CEP112: variants seen among roughly 807,000 people sequenced by gnomAD.
CEP112 encodes the protein centrosomal protein 112, also known as centrosomal protein of 112 kDa.
In CEP112, 127 loss-of-function variants were observed where a neutral mutation model predicts 153.0. That is an observed-to-expected ratio of 0.83 (90% CI 0.72 to 0.96). The LOEUF is 0.96. CEP112 is among the 40% of genes least tolerant of loss of function. The pLI, the probability that CEP112 is intolerant of heterozygous loss-of-function variation, is 0.00. For missense variants in CEP112, 1,089 were observed against 1,101.2 expected (o/e 0.99, Z 0.16); for synonymous variants, 358 against 374.4 (o/e 0.96, Z 0.51).
chr17:66,123,162 C>T (rs1232107125), intron 6 of CEP112, among the ~76,000 whole-genome samples: 1 of 152,194 alleles, frequency 6.6e-6, no homozygotes, highest in African/African-American at 2.4e-5. Flanking sequence ...ATGAAGGCCA[C>T]AGTATTCTTG....
chr17:66,000,635 C>T (rs543606420), intron 17 of CEP112, among the ~76,000 whole-genome samples: 30 of 152,220 alleles, frequency 2.0e-4, no homozygotes, highest in African/African-American at 6.5e-4. Context: ...CAGAGCACTG[C>T]GCCCACTCTC....
intron 20 of CEP112, among the ~76,000 whole-genome samples, chr17:65,870,069 G>GAAAGAAAGAAAGAAAGAAAAGA (rs1555689570): frequency 2.1e-5 from 3 of 143,070 alleles, no homozygotes; most frequent in East Asian, 4.0e-4. Context: ...AAGAAAGAAA[G>GAAAGAAAGAAAGAAAGAAAAGA]AAAGAAAGAA....
chr17:65,861,495 C>T (rs1225500493), intron 20 of CEP112, among the ~76,000 whole-genome samples: 2 of 152,058 alleles, frequency 1.3e-5, no homozygotes, highest in African/African-American at 4.8e-5. Flanking sequence ...GGAACATCTG[C>T]AACATATGTA....
At chr17:66,185,190 T>C (rs1003342111) in intron 1 of CEP112, among the ~76,000 whole-genome samples, 4 of 149,310 alleles carry the variant, frequency 2.7e-5, no homozygotes. Context: ...AAGAACTATA[T>C]GCCAAAAAAA....
At chr17:65,711,822 C>T (rs1449007479) in intron 23 of CEP112, among the ~76,000 whole-genome samples, 1 of 152,208 alleles carries the variant, frequency 6.6e-6, no homozygotes, top group East Asian at 1.9e-4. Flanking sequence ...TCTGGTAGAG[C>T]AGACAGATTC....
chr17:65,950,482 C>T (rs762635275), intron 18 of CEP112, among the ~76,000 whole-genome samples: 12 of 151,928 alleles, frequency 7.9e-5, no homozygotes, highest in East Asian at 3.9e-4. Context: ...TTATTCTTTT[C>T]GACGTTATTA....
chr17:65,971,416 G>GCACATATATTGGATGCATGTGATGTATT (rs1341289124), intron 17 of CEP112, among the ~76,000 whole-genome samples: 92 of 48,092 alleles, frequency 1.9e-3, no homozygotes, highest in Admixed American at 5.8e-3. Context: ...CACCCATGCA[G>GCACATATATTGGATGCATGTGATGTATT]CATGCTGCAT....
rs568050477 is a variant in CEP112, at chr17:65,676,352, C to T, written c.2697+12777G>A. On this transcript the variant is annotated intron_variant, in intron 24 of 26. Transcript: ENST00000535342. The stretch of plus-strand genomic sequence containing the variant: ...TAAAAGAAAAAAAAAAAAAAGAAGC[C>T]ATTAAAAATAGCATTATAATGTGTT... Among the ~76,000 whole-genome samples, 89 of 149,374 alleles carry T rather than the reference C, an allele frequency of 6.0e-4. 1 individual carries two copies. The highest frequency in any genetic ancestry group is 2.2e-3 in the African/African-American group (89 of 40,848).
At chr17:66,134,975 T>A (rs1414296943) in intron 4 of CEP112, among the ~76,000 whole-genome samples, 1 of 152,228 alleles carries the variant, frequency 6.6e-6, no homozygotes, top group African/African-American at 2.4e-5. Context: ...TTTTACATGC[T>A]TTCTCTGGAT....
intron 21 of CEP112, among the ~76,000 whole-genome samples, chr17:65,834,571 A>G (rs943243652): frequency 6.6e-6 from 1 of 152,200 alleles, no homozygotes; most frequent in Non-Finnish European, 1.5e-5. Flanking sequence ...GAAGACACAC[A>G]TGTGGCAACA....
chr17:66,137,130 A>G (rs1468805549), intron 4 of CEP112, among the ~76,000 whole-genome samples: 3 of 152,174 alleles, frequency 2.0e-5, no homozygotes, highest in African/African-American at 7.2e-5. Context: ...AAACAAAATG[A>G]GTATTTTAAC....
intron 11 of CEP112, 90 bp downstream of exon 11, chr17:66,062,873 T>C (rs2066975354): frequency 3.3e-6 from 2 of 609,300 alleles, no homozygotes; most frequent in East Asian, 3.2e-5. Context: ...CTTTTCTGTA[T>C]ATTCTGTGAA....
In CEP112 at chr17:66,132,782, C is replaced by T. The variant is rs769730548; in HGVS notation, c.471-19G>A. 17 of 1,510,092 alleles carry T rather than the reference C, an allele frequency of 1.1e-5. No homozygotes were observed. The South Asian group carries it at 1.5e-4, about 13-fold the overall frequency. 93.5% of individuals were successfully genotyped at this position (1,510,092 alleles called of 1,614,324 possible). A position where few individuals can be genotyped will look rare whatever the true frequency, so the allele number is the denominator to read the frequency against. On this transcript the variant is annotated intron_variant, in intron 4 of 26. Transcript: ENST00000535342. Reference sequence around the variant, plus strand: ...TTCCCTGCTAAGAGACCAAAATAATCGCAATCACAATTTGGAGAATTCAGA... The same window carrying T: ...TTCCCTGCTAAGAGACCAAAATAATTGCAATCACAATTTGGAGAATTCAGA...
intron 23 of CEP112, among the ~76,000 whole-genome samples, chr17:65,735,096 T>C (rs2050723416): frequency 6.6e-6 from 1 of 152,164 alleles, no homozygotes; most frequent in South Asian, 2.1e-4. Context: ...ATCAGAAAAG[T>C]CTGTAAGTAT....
intron 21 of CEP112, among the ~76,000 whole-genome samples, chr17:65,754,366 T>C (rs1416922614): frequency 6.6e-6 from 1 of 152,128 alleles, no homozygotes. Flanking sequence ...TCCAGCACTT[T>C]GGGAGGCTGA....
At chr17:66,093,096 C>A (rs1227192686) in intron 8 of CEP112, among the ~76,000 whole-genome samples, 2 of 151,996 alleles carry the variant, frequency 1.3e-5, no homozygotes, top group Non-Finnish European at 2.9e-5. Flanking sequence ...CACTTTGGGG[C>A]GCTGAGGCAG....
intron 16 of CEP112, among the ~76,000 whole-genome samples, chr17:66,027,203 T>A (rs996226474): frequency 2.0e-5 from 3 of 151,930 alleles, no homozygotes. Context: ...ATGGTGAAAC[T>A]CCCTCTCCAC....
intron 4 of CEP112, among the ~76,000 whole-genome samples, chr17:66,140,804 A>AT (rs966181248): frequency 2.1e-4 from 31 of 149,748 alleles, no homozygotes; most frequent in African/African-American, 4.2e-4. Context: ...CGCCTGGCTA[A>AT]TTTTTTTTTT....
intron 22 of CEP112, among the ~76,000 whole-genome samples, chr17:65,748,684 T>C (rs756264725): frequency 6.6e-5 from 10 of 152,164 alleles, no homozygotes; most frequent in Non-Finnish European, 1.5e-4. Context: ...ATTTGACAAA[T>C]GAGGAAATTG....
Sources: gnomAD v4.1 joint callset for allele counts (sites outside exome capture counted in the v4.1 genomes callset) on GRCh38, gnomAD v4.1.1 for gene constraint, MANE v1.5 for transcripts, NCBI Gene and HGNC (gene_info 2026-07-23, HGNC 2026-07-21) for gene names.